The following MTHFD1 variants were observed in gnomAD, a reference collection of about 807,000 sequenced individuals.
MTHFD1 encodes methylenetetrahydrofolate dehydrogenase, cyclohydrolase and formyltetrahydrofolate synthetase 1, also known as C-1-tetrahydrofolate synthase, cytoplasmic.
A neutral mutation model predicts 110.3 loss-of-function variants in MTHFD1; 44 were observed. The ratio of observed to expected loss-of-function variants is 0.40; its 90% CI spans 0.31 to 0.51. The LOEUF (loss-of-function observed/expected upper bound fraction) is 0.51. Among genes scored for constraint, MTHFD1 ranks in the 20% least tolerant of loss-of-function variants. MTHFD1 has a pLI of 0.60. For missense variants in MTHFD1, 909 were observed against 1,173.1 expected (o/e 0.77, Z 3.29); for synonymous variants, 402 against 428.8 (o/e 0.94, Z 0.77).
chr14:64,444,250 G>T (rs968080941), intron 21 of MTHFD1, among the ~76,000 whole-genome samples: 4 of 152,086 alleles, frequency 2.6e-5, no homozygotes, highest in African/African-American at 9.7e-5. Flanking sequence ...CCAATGCTAG[G>T]TTGGCACTGT....
At chr14:64,397,174 T>A (rs2077861751) in intron 1 of MTHFD1, among the ~76,000 whole-genome samples, 1 of 20,780 alleles carries the variant, frequency 4.8e-5, no homozygotes, top group East Asian at 7.3e-4. Flanking sequence ...TATATATATA[T>A]ATATATATAT....
In MTHFD1 at chr14:64,431,778, T is replaced by A. The variant is rs201256437; in HGVS notation, c.1420-9T>A. ...CCTCTCATTTTAAAGCCCCTTTCTTTTCTTTAAGGCTCTCTTTAATCGTTT... is the reference window on the plus strand; with the variant it reads ...CCTCTCATTTTAAAGCCCCTTTCTTATCTTTAAGGCTCTCTTTAATCGTTT... On this transcript the variant is annotated splice_polypyrimidine_tract_variant and intron_variant, in intron 14 of 27. Transcript: ENST00000652337. 1 of 1,613,904 alleles carries A rather than the reference T, an allele frequency of 6.2e-7. No individual in the cohort carries two copies. The highest frequency in any genetic ancestry group is 8.5e-7 in the Non-Finnish European group (1 of 1,179,884).
chr14:64,458,124 C>A (rs2078504710), intron 26 of MTHFD1, 90 bp from the exon 27 acceptor site: 2 of 1,041,590 alleles, frequency 1.9e-6, no homozygotes, highest in Non-Finnish European at 3.0e-6. Flanking sequence ...CTCCTGGCCT[C>A]AAGTGATCCT....
At chr14:64,452,889 A>T (rs1596563674) in intron 24 of MTHFD1, among the ~76,000 whole-genome samples, 1 of 151,754 alleles carries the variant, frequency 6.6e-6, no homozygotes, top group African/African-American at 2.4e-5. Flanking sequence ...TTATTTTAAA[A>T]TTTTTATTTT....
chr14:64,404,539 G>A (rs2077922975), intron 2 of MTHFD1, among the ~76,000 whole-genome samples: 1 of 152,194 alleles, frequency 6.6e-6, no homozygotes, highest in South Asian at 2.1e-4. Context: ...TGGATGACAG[G>A]AAACTCACGG....
intron 24 of MTHFD1, 75 bp from the exon 25 acceptor site, chr14:64,453,679 A>T: frequency 1.2e-6 from 1 of 850,102 alleles, no homozygotes; most frequent in Non-Finnish European, 2.0e-6. Flanking sequence ...TCTGACCTAG[A>T]ATGTGGCTAT....
chr14:64,430,425 A>G (rs981732566), intron 13 of MTHFD1, among the ~76,000 whole-genome samples, 195 bp downstream of exon 13: 1 of 149,670 alleles, frequency 6.7e-6, no homozygotes, highest in African/African-American at 2.6e-5. Flanking sequence ...CAGCCTCCCG[A>G]GTAGCTGGGA....
intron 2 of MTHFD1, among the ~76,000 whole-genome samples, chr14:64,404,830 G>A (rs144184778): frequency 6.6e-6 from 1 of 152,232 alleles, no homozygotes; most frequent in Non-Finnish European, 1.5e-5. Context: ...AATTAGCCAG[G>A]TGTGGTGGTG....
Position 64,415,514 on chromosome 14 carries a change from C to G in MTHFD1, c.377+20C>G, listed in dbSNP as rs779115342. The G allele has an allele frequency of 6.2e-7, 1 of 1,614,014 alleles. No homozygotes were observed. Among genetic ancestry groups the G allele is most frequent in the Non-Finnish European group, 8.5e-7 (1 of 1,179,912 alleles). On this transcript the variant is annotated intron_variant, in intron 5 of 27. Coordinates refer to ENST00000652337, the MANE Select transcript of MTHFD1 (RefSeq NM_005956.4). ...GGATGGGTAAGTGTGGCTTGGCTTC[C>G]TATGTCTCATTGCATGCTTTCATTT...
intron 15 of MTHFD1, among the ~76,000 whole-genome samples, chr14:64,432,336 C>T (rs1211363322): frequency 6.6e-6 from 1 of 152,178 alleles, no homozygotes; most frequent in African/African-American, 2.4e-5. Context: ...GTAACAAATA[C>T]ATAGTTAGTA....
chr14:64,446,852 GTTTT>G (rs199695247), intron 22 of MTHFD1, among the ~76,000 whole-genome samples: 1 of 151,530 alleles, frequency 6.6e-6, no homozygotes, highest in South Asian at 2.1e-4. Flanking sequence ...GGTTTTTGGG[GTTTT>G]TTTTACAGAC....
chr14:64,446,405 TG>T (rs2078289411), intron 22 of MTHFD1, among the ~76,000 whole-genome samples: 1 of 152,234 alleles, frequency 6.6e-6, no homozygotes, highest in African/African-American at 2.4e-5. Context: ...CATAATTCAT[TG>T]GCCCAGTCCC....
At chr14:64,420,683 C>T (rs139068289) in intron 8 of MTHFD1, among the ~76,000 whole-genome samples, 14 of 152,242 alleles carry the variant, frequency 9.2e-5, no homozygotes, top group Admixed American at 6.5e-4. Flanking sequence ...CCCGTGCTCT[C>T]GCCTTGCCAC....
At position 64,453,791 on chromosome 14, in the gene MTHFD1, A is replaced by T. The variant is rs751274898; in HGVS notation, c.2495A>T (p.Lys832Met). ...VEDKIRIIAQ[K>M]IYGADDIELL... ...GATAAAATCAGGATCATTGCACAGAAGATCTATGGAGCAGATGACATTGAA... is the reference window on the plus strand; with the variant it reads ...GATAAAATCAGGATCATTGCACAGATGATCTATGGAGCAGATGACATTGAA... Residue 832 changes from lysine (K) to methionine (M), a missense_variant, in exon 25 of 28, where the codon AAG (lysine) becomes ATG (methionine). By Grantham distance (95) the Lys-to-Met change is moderately conservative. Around this residue, in one of 3 missense-constraint regions of MTHFD1, gnomAD observed 482 missense variants for 646.0 expected, o/e 0.75. Coordinates refer to ENST00000652337, the MANE Select transcript of MTHFD1 (RefSeq NM_005956.4). The T allele has an allele frequency of 1.2e-6, 2 of 1,612,964 alleles. No individual in the cohort carries two copies. Among genetic ancestry groups the T allele is most frequent in the Middle Eastern group, 1.7e-4 (1 of 6,054 alleles).
At chr14:64,446,662 C>A (rs1310503009) in intron 22 of MTHFD1, among the ~76,000 whole-genome samples, 1 of 152,084 alleles carries the variant, frequency 6.6e-6, no homozygotes, top group East Asian at 1.9e-4. Context: ...CTGCCTCAGC[C>A]TCCCAAGAAG....
In MTHFD1 at chr14:64,454,996, C is replaced by T. The variant is rs151091838; in HGVS notation, c.2718+121C>T. 5.2e-5 allele frequency: 53 copies of T among 1,025,626 alleles called. No homozygotes were observed. In the Middle Eastern group the frequency reaches 1.4e-3, roughly 28 times the overall value. 63.5% of individuals were successfully genotyped at this position (1,025,626 alleles called of 1,614,324 possible). A position where few individuals can be genotyped will look rare whatever the true frequency, so the allele number is the denominator to read the frequency against. ...TCACTGCCCAGAAGAAAATTGGAAT[C>T]GGGCCTATTATGATTGCTGTGGATC... On this transcript the variant is annotated intron_variant, in intron 26 of 27. Transcript: ENST00000652337.
chr14:64,415,481 A>T lies in MTHFD1; in HGVS notation c.364A>T (p.Lys122Ter). The change falls in exon 5 of 28, where the codon AAG (lysine) becomes TAG (stop). Residue 122 changes from lysine to a stop codon, truncating the protein, a stop_gained. Coordinates refer to ENST00000652337, the MANE Select transcript of MTHFD1 (RefSeq NM_005956.4). LOFTEE classifies it high-confidence loss of function. ...EEVINAIAPE[K>*]DVDGLTSINA... Reference sequence around the variant, plus strand: ...AGTGATCAATGCTATTGCACCCGAGAAGGATGTGGATGGGTAAGTGTGGCT... The same window carrying T: ...AGTGATCAATGCTATTGCACCCGAGTAGGATGTGGATGGGTAAGTGTGGCT... 1 of 1,614,168 alleles carries T rather than the reference A, an allele frequency of 6.2e-7. No homozygotes were observed. Among genetic ancestry groups the T allele is most frequent in the African/African-American group, 1.3e-5 (1 of 75,060 alleles).
At chr14:64,412,588 T>C in intron 4 of MTHFD1, 63 bp downstream of exon 4, 1 of 1,321,316 alleles carries the variant, frequency 7.6e-7, no homozygotes, top group Non-Finnish European at 1.1e-6. Context: ...TGGTTTTGGT[T>C]TACGGGGGCT....
rs777502749 is a variant in MTHFD1, at chr14:64,430,232, T to TA, written c.1311+5dup. 9.3e-6 allele frequency: 15 copies of TA among 1,613,130 alleles called. 1 individual carries two copies. The highest frequency in any genetic ancestry group is 7.7e-5 in the South Asian group (7 of 91,058). ...TCCCAGGTCATTCCTATGGAAGAGG[T>TA]AAAGTATTCTGGGATTTGGCTGAAT... On this transcript the variant is annotated splice_region_variant and intron_variant, in intron 13 of 27. Transcript: ENST00000652337.
Sources: allele counts gnomAD v4.1 joint callset (sites outside exome capture counted in the v4.1 genomes callset), GRCh38; gene constraint gnomAD v4.1.1; regional missense constraint gnomAD v4.1.1; transcripts MANE v1.5; gene names NCBI Gene and HGNC (gene_info 2026-07-23, HGNC 2026-07-21).